Variants in C1orf87 observed in about 807,000 individuals in gnomAD.
The protein encoded by C1orf87 is chromosome 1 open reading frame 87.
Under a neutral mutation model 60.5 loss-of-function variants are expected in C1orf87, and 58 were observed. The observed-to-expected ratio is 0.96, with a 90% CI of 0.78 to 1.19. The LOEUF (loss-of-function observed/expected upper bound fraction) is 1.19, where lower values mean the gene tolerates loss of function less well. Among genes scored for constraint, C1orf87 ranks in the 50% most tolerant of loss-of-function variants. C1orf87 has a pLI of 0.00. For missense variants in C1orf87, 673 were observed against 638.6 expected (o/e 1.05, Z -0.58); for synonymous variants, 236 against 227.4 (o/e 1.04, Z -0.34).
At chr1:60,026,404 G>T (rs929372703) in intron 7 of C1orf87, among the ~76,000 whole-genome samples, 12 of 152,164 alleles carry the variant, frequency 7.9e-5, no homozygotes, top group Non-Finnish European at 1.8e-4. Flanking sequence ...ATAGTGCCTG[G>T]TTCTTATTAG....
intron 7 of C1orf87, among the ~76,000 whole-genome samples, chr1:60,029,946 C>A (rs1645225514): frequency 1.3e-5 from 2 of 152,014 alleles, no homozygotes; most frequent in South Asian, 4.1e-4. Context: ...GTCCCCCTGT[C>A]CCCGCATTCT....
At chr1:60,008,846 A>G (rs1169494723) in intron 9 of C1orf87, 1 of 363,482 alleles carries the variant, frequency 2.8e-6, no homozygotes, top group Non-Finnish European at 5.4e-6. Flanking sequence ...AATCAGCTGT[A>G]TGGAATCCCC....
intron 10 of C1orf87, among the ~76,000 whole-genome samples, chr1:59,999,744 T>C (rs944251807): frequency 3.3e-5 from 5 of 152,140 alleles, no homozygotes; most frequent in African/African-American, 1.2e-4. Context: ...CAGCTAATCT[T>C]CTTTTAGTCC....
At chr1:59,999,248 C>A (rs1293037382) in intron 10 of C1orf87, among the ~76,000 whole-genome samples, 2 of 152,060 alleles carry the variant, frequency 1.3e-5, no homozygotes, top group African/African-American at 4.8e-5. Flanking sequence ...GAAATTGTAC[C>A]CACATGGATG....
At chr1:60,025,599 C>G (rs894693276) in intron 7 of C1orf87, 101 bp from the exon 8 acceptor site, 1 of 918,654 alleles carries the variant, frequency 1.1e-6, no homozygotes, top group African/African-American at 1.7e-5. Context: ...TAATTGGAAG[C>G]TATATTATTT....
chr1:60,033,512 T>A lies in C1orf87; in HGVS notation c.993A>T (p.Glu331Asp). 1.2e-6 allele frequency: 2 copies of A among 1,613,970 alleles called. No homozygotes were observed. The highest frequency in any genetic ancestry group is 4.5e-5 in the East Asian group (2 of 44,878). The change falls in exon 7 of 12, where the codon GAA (glutamate) becomes GAT (aspartate). Residue 331 changes from glutamate to aspartate, a missense_variant. By Grantham distance (45) the Glu-to-Asp change is conservative. Transcript: ENST00000371201. ...GGAGGCAGCCAGAGAACGAGCGATC[T>A]TCTTTTCGAAAACTCAGATTGAGAT... ...IDNLNLSFRK[E>D]DRSFSGCLPL...
chr1:60,000,733 A>G (rs988479610), intron 10 of C1orf87, among the ~76,000 whole-genome samples: 1 of 152,064 alleles, frequency 6.6e-6, no homozygotes, highest in African/African-American at 2.4e-5. Flanking sequence ...AATAGATCTC[A>G]TAATCACTCT....
chr1:59,997,714 A>AG lies in C1orf87; in HGVS notation c.1374dup (p.Phe459LeufsTer11), dbSNP rs1435459463. ...TTGTTCTTCACAGCTGGATTCACGA[A>AG]GGGCTGGGAGACTGGCCTGATCTTT... On this transcript the variant is annotated frameshift_variant, in exon 11 of 12. Coordinates refer to ENST00000371201, the MANE Select transcript of C1orf87 (RefSeq NM_152377.3). LOFTEE classifies it high-confidence loss of function. 6.2e-7 allele frequency: 1 copy of AG among 1,613,958 alleles called. No individual in the cohort carries two copies. Among genetic ancestry groups the AG allele is most frequent in the Admixed American group, 1.7e-5 (1 of 60,000 alleles).
At chr1:60,049,338 A>C (rs749791095) in intron 3 of C1orf87, among the ~76,000 whole-genome samples, 4 of 152,150 alleles carry the variant, frequency 2.6e-5, no homozygotes, top group Admixed American at 1.3e-4. Context: ...ATTAATTTAC[A>C]TTCTACTTAT....
chr1:60,001,709 T>C (rs892597736), intron 9 of C1orf87, among the ~76,000 whole-genome samples: 14 of 152,072 alleles, frequency 9.2e-5, no homozygotes, highest in Non-Finnish European at 1.3e-4. Context: ...TCCTGCCTCT[T>C]AAGAACCTCT....
intron 2 of C1orf87, among the ~76,000 whole-genome samples, chr1:60,061,619 T>C (rs904524751): frequency 2.6e-5 from 4 of 151,676 alleles, no homozygotes; most frequent in Admixed American, 2.0e-4. Context: ...CCCCAGGAAA[T>C]TGACCTCTGT....
At chr1:60,002,361 G>A (rs560025073) in intron 9 of C1orf87, among the ~76,000 whole-genome samples, 361 of 152,176 alleles carry the variant, frequency 2.4e-3, no homozygotes, top group Middle Eastern at 6.8e-3. Context: ...ATAGGCTATT[G>A]TAAGGATTAA....
chr1:60,022,109 ATTTT>A (rs60437294), intron 8 of C1orf87, among the ~76,000 whole-genome samples: 1 of 138,164 alleles, frequency 7.2e-6, no homozygotes. Flanking sequence ...GAGGACTTTG[ATTTT>A]TTTTTTTTTT....
chr1:59,992,040 A>G (rs577947930), intron 11 of C1orf87, among the ~76,000 whole-genome samples: 2 of 152,186 alleles, frequency 1.3e-5, no homozygotes, highest in East Asian at 3.9e-4. Context: ...TTAAATATAA[A>G]ATTTACTATG....
chr1:60,044,545 T>A (rs1416974972), intron 3 of C1orf87, among the ~76,000 whole-genome samples: 1 of 152,114 alleles, frequency 6.6e-6, no homozygotes, highest in Non-Finnish European at 1.5e-5. Context: ...CCCCCCCACA[T>A]CAAGAAGAGC....
At chr1:60,071,525 G>A (rs1645583861) in intron 2 of C1orf87, among the ~76,000 whole-genome samples, 1 of 152,192 alleles carries the variant, frequency 6.6e-6, no homozygotes, top group South Asian at 2.1e-4. Context: ...ATTACTAACT[G>A]ATTATAGCAG....
chr1:60,046,443 CT>C (rs36104052), intron 3 of C1orf87, among the ~76,000 whole-genome samples: 63,295 of 106,844 alleles, frequency 0.59, 17,213 homozygotes, highest in South Asian at 0.69. Flanking sequence ...CCTTCTTCTT[CT>C]TTTTTTTTTT....
chr1:60,073,268 T>G (rs542445121), intron 1 of C1orf87, among the ~76,000 whole-genome samples: 1 of 152,220 alleles, frequency 6.6e-6, no homozygotes, highest in South Asian at 2.1e-4. Context: ...CTGCACAAGG[T>G]GTTTAAACAG....
Position 60,014,917 on chromosome 1 carries a change from C to T in C1orf87, c.1128-4461G>A, listed in dbSNP as rs547520978. Among the ~76,000 whole-genome samples the T allele has an allele frequency of 3.9e-5, 6 of 152,318 alleles. No homozygotes were observed. The East Asian group carries it at 1.2e-3, about 29-fold the overall frequency. Reference sequence around the variant, plus strand: ...ATAGAATATTGATAAAGAGTTAGCTCTGTTCAGACTGCCAGGATCAGAAAT... The same window carrying T: ...ATAGAATATTGATAAAGAGTTAGCTTTGTTCAGACTGCCAGGATCAGAAAT... On this transcript the variant is annotated intron_variant, in intron 8 of 11. Coordinates refer to ENST00000371201, the MANE Select transcript of C1orf87 (RefSeq NM_152377.3).
Sources: allele counts gnomAD v4.1 joint callset (sites outside exome capture counted in the v4.1 genomes callset), GRCh38; gene constraint gnomAD v4.1.1; transcripts MANE v1.5; gene names NCBI Gene and HGNC (gene_info 2026-07-23, HGNC 2026-07-21).